TFB2M: variants seen among roughly 807,000 people sequenced by gnomAD.
TFB2M encodes transcription factor B2, mitochondrial.
A neutral mutation model predicts 41.3 loss-of-function variants in TFB2M; 44 were observed. The observed-to-expected ratio is 1.07, with a 90% CI of 0.84 to 1.37. TFB2M has a LOEUF of 1.37. Ranked by LOEUF, TFB2M falls within the 40% of genes most tolerant of loss-of-function variation. The pLI is 0.00. For synonymous variants in TFB2M, 188 were observed against 176.8 expected (o/e 1.06, Z -0.50); for missense variants, 496 against 490.2 (o/e 1.01, Z -0.11).
At position 246,565,856 on chromosome 1, in the gene TFB2M, G is replaced by A. The variant is rs746332393; in HGVS notation, c.283C>T (p.Pro95Ser). 14 of 1,607,992 alleles carry A rather than the reference G, an allele frequency of 8.7e-6. No homozygotes were observed. The South Asian group carries it at 1.3e-4, about 15-fold the overall frequency. ...AQIYLGKPSR[P>S]PHLLLECNPG... ...TTGCACTCCAGCAGTAGGTGTGGAG[G>A]TCTACTTGGTTTTCCCAAATAGATT... The change falls in exon 1 of 8, where the codon CCT (proline) becomes TCT (serine). Residue 95 changes from proline (P) to serine (S), a missense_variant. Transcript: ENST00000366514.
intron 2 of TFB2M, among the ~76,000 whole-genome samples, chr1:246,558,607 G>GA (rs1291836883): frequency 8.6e-5 from 13 of 151,904 alleles, no homozygotes; most frequent in African/African-American, 3.1e-4. Context: ...GTCATGGGAA[G>GA]AAAAAATGAA....
chr1:246,543,732 G>A (rs957031483), intron 7 of TFB2M, among the ~76,000 whole-genome samples: 14 of 152,106 alleles, frequency 9.2e-5, no homozygotes, highest in African/African-American at 3.4e-4. Flanking sequence ...CCAGGAATTT[G>A]AGACCAGCCT....
At chr1:246,556,845 T>G in intron 3 of TFB2M, 124 bp from the exon 4 acceptor site, 1 of 801,120 alleles carries the variant, frequency 1.2e-6, no homozygotes, top group Non-Finnish European at 1.9e-6. Context: ...CAATTAAAAC[T>G]AAGCCTCAAT....
Position 246,548,613 on chromosome 1 carries a change from GAAGAAAAACA to G in TFB2M, c.796-16_796-7del. On this transcript the variant is annotated splice_polypyrimidine_tract_variant and splice_region_variant and intron_variant, in intron 5 of 7. Transcript: ENST00000366514. ...TCAAATGATGACCAAGGCTCCTGGG[GAAGAAAAACA>G]AAGCAAAACAACATCTTTTATTTCT... The G allele has an allele frequency of 6.2e-7, 1 of 1,611,054 alleles. No homozygotes were observed. Among genetic ancestry groups the G allele is most frequent in the Non-Finnish European group, 8.5e-7 (1 of 1,179,140 alleles).
At chr1:246,548,309 AGAG>A (rs1315621693) in intron 6 of TFB2M, among the ~76,000 whole-genome samples, 1 of 152,130 alleles carries the variant, frequency 6.6e-6, no homozygotes, top group Non-Finnish European at 1.5e-5. Context: ...AGATATAAGA[AGAG>A]AACTCAGATT....
intron 4 of TFB2M, among the ~76,000 whole-genome samples, chr1:246,553,337 T>C (rs115412420): frequency 8.5e-5 from 13 of 152,228 alleles, no homozygotes; most frequent in African/African-American, 3.1e-4. Context: ...CCATTTACAA[T>C]AGCACCAAAA....
At chr1:246,546,533 G>C (rs1659023152) in intron 6 of TFB2M, among the ~76,000 whole-genome samples, 1 of 150,616 alleles carries the variant, frequency 6.6e-6, no homozygotes, top group Non-Finnish European at 1.5e-5. Flanking sequence ...AGAAACACTT[G>C]AACTCGGGAG....
chr1:246,541,203 C>T lies in TFB2M; in HGVS notation c.1020-1G>A. Reference sequence around the variant, plus strand: ...TCTCGCATCAAGTGGAGTCAATGAACTGCAAAAGAAATACAAAGTAAATGT... The same window carrying T: ...TCTCGCATCAAGTGGAGTCAATGAATTGCAAAAGAAATACAAAGTAAATGT... On this transcript the variant is annotated splice_acceptor_variant, in intron 7 of 7. Transcript: ENST00000366514. LOFTEE classifies it high-confidence loss of function. 6.2e-7 allele frequency: 1 copy of T among 1,612,786 alleles called. No homozygotes were observed. Among genetic ancestry groups the T allele is most frequent in the Non-Finnish European group, 8.5e-7 (1 of 1,179,436 alleles).
chr1:246,548,648 T>G, intron 5 of TFB2M, 41 bp from the exon 6 acceptor site: 1 of 1,592,280 alleles, frequency 6.3e-7, no homozygotes. Context: ...CTTTTATTTC[T>G]CTTTGGTCAA....
At chr1:246,545,048 G>A (rs192596143) in intron 6 of TFB2M, among the ~76,000 whole-genome samples, 12,435 of 129,872 alleles carry the variant, frequency 0.096, 1,188 homozygotes, top group African/African-American at 0.25. Context: ...CTCGTGATCC[G>A]CCCGCCTCGG....
intron 6 of TFB2M, among the ~76,000 whole-genome samples, chr1:246,546,987 T>TTC (rs1156849347): frequency 1.1e-5 from 1 of 87,696 alleles, no homozygotes; most frequent in East Asian, 2.1e-4. Context: ...ACACACATTT[T>TTC]TTTTTTTTTT....
Position 246,540,872 on chromosome 1 carries a change from A to G in TFB2M, c.*159T>C. 1 of 550,380 alleles carries G rather than the reference A, an allele frequency of 1.8e-6. No homozygotes were observed. The highest frequency in any genetic ancestry group is 3.4e-5 in the South Asian group (1 of 29,606). The allele number at this position is 550,380 out of a possible 1,614,324, so 34.1% of individuals were successfully genotyped here. A position where few individuals can be genotyped will look rare whatever the true frequency, so the allele number is the denominator to read the frequency against. On this transcript the variant is annotated 3_prime_UTR_variant, in exon 8 of 8. Transcript: ENST00000366514. ...TAAAATAGCAGACACTGTTTCATCC[A>G]ATAAGCCAATGATATCAGCTTAGGA...
intron 7 of TFB2M, 133 bp from the exon 8 acceptor site, chr1:246,541,335 G>A: frequency 1.3e-6 from 1 of 798,190 alleles, no homozygotes; most frequent in Non-Finnish European, 1.9e-6. Flanking sequence ...ATGGACACGG[G>A]AGAATCAGCA....
chr1:246,555,153 C>G (rs1229094248), intron 4 of TFB2M, among the ~76,000 whole-genome samples: 2 of 152,110 alleles, frequency 1.3e-5, no homozygotes, highest in African/African-American at 4.8e-5. Flanking sequence ...CCACTTCATA[C>G]CATTAGGAGA....
intron 1 of TFB2M, among the ~76,000 whole-genome samples, 160 bp from the exon 2 acceptor site, chr1:246,564,594 G>A (rs551800552): frequency 1.3e-5 from 2 of 152,188 alleles, no homozygotes; most frequent in African/African-American, 2.4e-5. Context: ...AAGGAAACAG[G>A]AGATTATATA....
At position 246,553,219 on chromosome 1, in the gene TFB2M, T is replaced by TA. The variant is rs796915170; in HGVS notation, c.706-1918dup. Among the ~76,000 whole-genome samples the TA allele has an allele frequency of 1.0e-3, 153 of 150,354 alleles. 1 individual carries two copies. Among genetic ancestry groups the TA allele is most frequent in the African/African-American group, 3.6e-3 (145 of 40,806 alleles). ...CTGGGCGACAGAGCAAGACTCCGTC[T>TA]AAAAAAAACAAAACAAAACAAAAAA... On this transcript the variant is annotated intron_variant, in intron 4 of 7. Transcript: ENST00000366514.
At chr1:246,556,545 A>C (rs762597777) in intron 4 of TFB2M, 28 bp downstream of exon 4, 1 of 1,428,812 alleles carries the variant, frequency 7.0e-7, no homozygotes, top group East Asian at 2.5e-5. Flanking sequence ...GACTCAGAAC[A>C]AAAAATAGGT....
At chr1:246,546,539 G>A (rs1306231102) in intron 6 of TFB2M, among the ~76,000 whole-genome samples, 2 of 151,578 alleles carry the variant, frequency 1.3e-5, no homozygotes, top group Admixed American at 6.6e-5. Context: ...ACTTGAACTC[G>A]GGAGGTAGGG....
At chr1:246,541,326 T>C (rs1658849650) in intron 7 of TFB2M, 124 bp from the exon 8 acceptor site, 3 of 860,758 alleles carry the variant, frequency 3.5e-6, no homozygotes, top group Middle Eastern at 3.5e-4. Flanking sequence ...AGTGCTATAA[T>C]GGACACGGGA....
Sources: allele counts gnomAD v4.1 joint callset (sites outside exome capture counted in the v4.1 genomes callset), GRCh38; gene constraint gnomAD v4.1.1; transcripts MANE v1.5; gene names NCBI Gene and HGNC (gene_info 2026-07-23, HGNC 2026-07-21).